LUZP2: variants seen among roughly 807,000 people sequenced by gnomAD.
LUZP2 encodes leucine zipper protein 2.
Under a neutral mutation model 51.6 loss-of-function variants are expected in LUZP2, and 52 were observed. That is an observed-to-expected ratio of 1.01 (90% CI 0.81 to 1.27). The LOEUF (loss-of-function observed/expected upper bound fraction) is 1.27. Among genes scored for constraint, LUZP2 ranks in the 50% most tolerant of loss-of-function variants. The pLI, the probability that LUZP2 is intolerant of heterozygous loss-of-function variation, is 0.00. For synonymous variants in LUZP2, 154 were observed against 137.3 expected, an observed-to-expected ratio of 1.12 and a Z score of -0.85; for missense variants, 436 against 395.4, an observed-to-expected ratio of 1.10 and a Z score of -0.87.
At chr11:24,647,091 C>T (rs12576803) in intron 1 of LUZP2, among the ~76,000 whole-genome samples, 28,025 of 151,582 alleles carry the variant, frequency 0.18, 2,703 homozygotes, top group East Asian at 0.32. Flanking sequence ...TTATTTTGTT[C>T]CACTCTTTCC....
intron 1 of LUZP2, among the ~76,000 whole-genome samples, chr11:24,660,148 A>G (rs1328057176): frequency 6.6e-6 from 1 of 152,172 alleles, no homozygotes; most frequent in Non-Finnish European, 1.5e-5. Flanking sequence ...AATCGTGCCA[A>G]TACCATGTGA....
At chr11:24,731,979 G>A (rs1023213852) in intron 2 of LUZP2, 139 bp from the exon 3 acceptor site, 88 of 557,796 alleles carry the variant, frequency 1.6e-4, no homozygotes, top group East Asian at 2.1e-4. Context: ...CCTTGGAGCC[G>A]TGAGGACCAT....
intron 9 of LUZP2, among the ~76,000 whole-genome samples, chr11:25,046,164 G>A (rs187452751): frequency 5.3e-5 from 8 of 149,998 alleles, no homozygotes; most frequent in Non-Finnish European, 1.0e-4. Context: ...GAATTGGTCA[G>A]GAAATTAAAT....
chr11:24,574,691 C>A (rs1359519722), intron 1 of LUZP2, among the ~76,000 whole-genome samples: 1 of 151,958 alleles, frequency 6.6e-6, no homozygotes, highest in South Asian at 2.1e-4. Context: ...GGAGATTGGT[C>A]AATGTAGTTG....
At chr11:24,920,693 T>TA (rs557045612) in intron 7 of LUZP2, among the ~76,000 whole-genome samples, 8,592 of 140,704 alleles carry the variant, frequency 0.061, 395 homozygotes, top group African/African-American at 0.13. Context: ...GACACAGAAA[T>TA]AAAAAAAAAA....
chr11:24,814,159 G>A (rs1488533452), intron 5 of LUZP2, among the ~76,000 whole-genome samples: 1 of 152,114 alleles, frequency 6.6e-6, no homozygotes, highest in Non-Finnish European at 1.5e-5. Flanking sequence ...CTTATCTTCA[G>A]GCGAATTAAT....
At chr11:24,778,151 A>G (rs1192623375) in intron 5 of LUZP2, among the ~76,000 whole-genome samples, 1 of 152,156 alleles carries the variant, frequency 6.6e-6, no homozygotes, top group African/African-American at 2.4e-5. Flanking sequence ...CTGGAATCCC[A>G]GCAGTTTTGG....
At chr11:24,578,297 G>C (rs1002934036) in intron 1 of LUZP2, among the ~76,000 whole-genome samples, 1 of 151,996 alleles carries the variant, frequency 6.6e-6, no homozygotes, top group Admixed American at 6.6e-5. Context: ...TTACTGTCCA[G>C]AAATATTTCA....
intron 1 of LUZP2, among the ~76,000 whole-genome samples, chr11:24,597,881 C>T (rs1423894018): frequency 6.6e-6 from 1 of 152,068 alleles, no homozygotes; most frequent in African/African-American, 2.4e-5. Flanking sequence ...GCGGGTGGAA[C>T]ACTTGAGGTC....
intron 7 of LUZP2, among the ~76,000 whole-genome samples, chr11:24,931,291 C>T (rs1044975397): frequency 5.9e-5 from 9 of 151,378 alleles, no homozygotes; most frequent in Admixed American, 5.3e-4. Flanking sequence ...TTTTATTTAT[C>T]TTTGTTGGAT....
intron 1 of LUZP2, among the ~76,000 whole-genome samples, chr11:24,602,124 A>ATATG (rs1565020389): frequency 2.6e-5 from 3 of 114,774 alleles, no homozygotes; most frequent in African/African-American, 3.5e-5. Flanking sequence ...ATATGTATAT[A>ATATG]TGTATATGTG....
intron 9 of LUZP2, among the ~76,000 whole-genome samples, chr11:24,994,525 A>C (rs1486275217): frequency 6.6e-6 from 1 of 152,222 alleles, no homozygotes; most frequent in East Asian, 1.9e-4. Flanking sequence ...TGACTATGGT[A>C]GATTTGTAGT....
intron 9 of LUZP2, among the ~76,000 whole-genome samples, chr11:24,986,537 C>G (rs1300236403): frequency 1.4e-5 from 2 of 145,720 alleles, no homozygotes; most frequent in Non-Finnish European, 3.0e-5. Context: ...TAGCATGCCT[C>G]TGTGTGTGTG....
intron 5 of LUZP2, among the ~76,000 whole-genome samples, chr11:24,769,566 A>C (rs77624487): frequency 0.08 from 12,172 of 152,098 alleles, 1,050 homozygotes; most frequent in African/African-American, 0.22. Context: ...AATTTAAACT[A>C]GTTTCTGATA....
chr11:24,807,335 G>C (rs114579736), intron 5 of LUZP2, among the ~76,000 whole-genome samples: 1 of 151,930 alleles, frequency 6.6e-6, no homozygotes, highest in Non-Finnish European at 1.5e-5. Flanking sequence ...AGTGGTGAGT[G>C]CCTGTAATCG....
At chr11:25,013,687 C>G (rs1276034150) in intron 9 of LUZP2, among the ~76,000 whole-genome samples, 1 of 151,752 alleles carries the variant, frequency 6.6e-6, no homozygotes, top group Non-Finnish European at 1.5e-5. Context: ...ATAAGGTCAC[C>G]CAATGATATA....
At chr11:24,585,880 A>G (rs945237064) in intron 1 of LUZP2, among the ~76,000 whole-genome samples, 3 of 152,230 alleles carry the variant, frequency 2.0e-5, no homozygotes, top group Non-Finnish European at 2.9e-5. Flanking sequence ...CACGTTAGAT[A>G]GTTAATGAAG....
In LUZP2 at chr11:24,617,346, C is replaced by T. The variant is rs114823066; in HGVS notation, c.63-111823C>T. ...TTTTCACCTGATTTGTGGCTACCTC[C>T]TCTCTTTTCATTTGTTTAGAGTGTG... On this transcript the variant is annotated intron_variant, in intron 1 of 11. Transcript: ENST00000336930. Among the ~76,000 whole-genome samples, 1,283 of 152,120 alleles carry T rather than the reference C, an allele frequency of 8.4e-3. 17 individuals are homozygous for T. The highest frequency in any genetic ancestry group is 0.028 in the African/African-American group (1,150 of 41,500).
At chr11:24,566,363 C>T (rs1304438544) in intron 1 of LUZP2, among the ~76,000 whole-genome samples, 2 of 142,956 alleles carry the variant, frequency 1.4e-5, no homozygotes, top group Non-Finnish European at 3.0e-5. Context: ...CGTAGTCTCA[C>T]TCTGTCGCCA....
Sources: allele counts gnomAD v4.1 joint callset (sites outside exome capture counted in the v4.1 genomes callset), GRCh38; gene constraint gnomAD v4.1.1; transcripts MANE v1.5; gene names NCBI Gene and HGNC (gene_info 2026-07-23, HGNC 2026-07-21).